ABCD3: variants seen among roughly 807,000 people sequenced by gnomAD.
The protein encoded by ABCD3 is ATP binding cassette subfamily D member 3, also known as ATP-binding cassette sub-family D member 3.
In ABCD3, 41 loss-of-function variants were observed where a neutral mutation model predicts 105.5. The observed-to-expected ratio is 0.39, with a 90% CI of 0.30 to 0.50. ABCD3 has a LOEUF of 0.50. Ranked by LOEUF, ABCD3 falls within the 20% of genes least tolerant of loss-of-function variation. The pLI is 0.84. For missense variants in ABCD3, 622 were observed against 806.3 expected (o/e 0.77, Z 2.77); for synonymous variants, 258 against 269.0 (o/e 0.96, Z 0.40).
At chr1:94,395,587 A>T in the ABCD3 span, among the ~76,000 whole-genome samples, 1 of 152,112 alleles carries the variant, frequency 6.6e-6, no homozygotes, top group Non-Finnish European at 1.5e-5. Flanking sequence ...AGTGCTTCCC[A>T]TTGGCCAAAT....
intron 21 of ABCD3, among the ~76,000 whole-genome samples, chr1:94,512,152 A>G (rs1487323729): frequency 6.6e-6 from 1 of 151,928 alleles, no homozygotes; most frequent in East Asian, 1.9e-4. Context: ...GGTGACCGTG[A>G]TGTACAGATG....
At chr1:94,483,355 A>G (rs1444813858) in intron 10 of ABCD3, 116 bp downstream of exon 10, 1 of 740,726 alleles carries the variant, frequency 1.4e-6, no homozygotes, top group Admixed American at 2.5e-5. Flanking sequence ...ATGTATACAT[A>G]TCTTAAAGAT....
chr1:94,498,545 A>C, intron 16 of ABCD3, 57 bp from the exon 17 acceptor site: 2 of 1,542,862 alleles, frequency 1.3e-6, no homozygotes, highest in Non-Finnish European at 1.8e-6. Context: ...AATGTTGATT[A>C]AGTATATGTT....
intron 20 of ABCD3, among the ~76,000 whole-genome samples, chr1:94,501,276 A>AC (rs913770806): frequency 2.0e-5 from 3 of 151,718 alleles, no homozygotes; most frequent in African/African-American, 7.3e-5. Flanking sequence ...AAAAAAAAAA[A>AC]AAAAAAAACA....
At chr1:94,450,130 A>C (rs1660521153) in intron 1 of ABCD3, among the ~76,000 whole-genome samples, 2 of 152,236 alleles carry the variant, frequency 1.3e-5, no homozygotes, top group African/African-American at 4.8e-5. Flanking sequence ...TAACCCATTA[A>C]AATGGATTAA....
intron 1 of ABCD3, among the ~76,000 whole-genome samples, chr1:94,436,469 TCTTC>T (rs1191386059): frequency 1.3e-5 from 2 of 152,242 alleles, no homozygotes; most frequent in South Asian, 2.1e-4. Flanking sequence ...CTCTTTCCAT[TCTTC>T]CTTATTTTTT....
intron 21 of ABCD3, among the ~76,000 whole-genome samples, chr1:94,509,164 A>G (rs1245959362): frequency 6.6e-6 from 1 of 152,214 alleles, no homozygotes; most frequent in African/African-American, 2.4e-5. Context: ...GGTCCCATCA[A>G]TACCTAATTT....
the ABCD3 span, among the ~76,000 whole-genome samples, chr1:94,404,960 A>C: frequency 1.3e-5 from 2 of 151,726 alleles, no homozygotes; most frequent in South Asian, 2.1e-4. Context: ...AAGAAAAAAA[A>C]AAACAAACAG....
chr1:94,458,481 C>G (rs1647699213), intron 1 of ABCD3, 126 bp from the exon 2 acceptor site: 1 of 820,920 alleles, frequency 1.2e-6, no homozygotes, highest in Non-Finnish European at 2.0e-6. Context: ...TATGTTCTAT[C>G]TCACTATGAT....
At chr1:94,434,159 G>A (rs566373318) in intron 1 of ABCD3, among the ~76,000 whole-genome samples, 2 of 151,970 alleles carry the variant, frequency 1.3e-5, no homozygotes, top group Non-Finnish European at 2.9e-5. Context: ...GTACACTTAG[G>A]CTACATGAAA....
the ABCD3 span, among the ~76,000 whole-genome samples, chr1:94,398,530 C>T: frequency 6.6e-6 from 1 of 152,164 alleles, no homozygotes; most frequent in South Asian, 2.1e-4. Context: ...AGCTCCACCC[C>T]CACCCCCTGC....
chr1:94,444,138 C>T (rs991899858), intron 1 of ABCD3, among the ~76,000 whole-genome samples: 1 of 151,908 alleles, frequency 6.6e-6, no homozygotes, highest in Non-Finnish European at 1.5e-5. Flanking sequence ...TCAAGACCAT[C>T]CTGGCCAACA....
chr1:94,499,766 A>C (rs1327732049), intron 20 of ABCD3, 152 bp downstream of exon 20: 1 of 995,850 alleles, frequency 1.0e-6, no homozygotes, highest in African/African-American at 1.6e-5. Context: ...GAAAATCTTT[A>C]ACTTGCATGT....
intron 21 of ABCD3, among the ~76,000 whole-genome samples, chr1:94,512,906 A>G (rs1299776366): frequency 6.6e-6 from 1 of 152,118 alleles, no homozygotes. Context: ...AAAAAAGGTC[A>G]TATTGAGTAT....
At chr1:94,450,516 C>G (rs1036613845) in intron 1 of ABCD3, among the ~76,000 whole-genome samples, 1 of 152,256 alleles carries the variant, frequency 6.6e-6, no homozygotes, top group African/African-American at 2.4e-5. Flanking sequence ...CATGAGCGAT[C>G]TGTGCCTTAA....
At chr1:94,472,795 T>G (rs1215000142) in intron 4 of ABCD3, among the ~76,000 whole-genome samples, 1 of 152,186 alleles carries the variant, frequency 6.6e-6, no homozygotes, top group Non-Finnish European at 1.5e-5. Context: ...TTTAAACCAC[T>G]TAGTCCAGTG....
intron 1 of ABCD3, among the ~76,000 whole-genome samples, chr1:94,421,635 T>C (rs1172833407): frequency 2.6e-5 from 4 of 151,900 alleles, no homozygotes. Context: ...GCTTACCTTC[T>C]TGTTAGGGAA....
chr1:94,459,068 A>C (rs900941138), intron 2 of ABCD3, among the ~76,000 whole-genome samples: 1 of 148,766 alleles, frequency 6.7e-6, no homozygotes, highest in East Asian at 2.0e-4. Flanking sequence ...CTTTTTACCA[A>C]CCAGGTCTCA....
chr1:94,469,428 C>T (rs978563757), intron 4 of ABCD3, among the ~76,000 whole-genome samples: 18 of 149,560 alleles, frequency 1.2e-4, no homozygotes, highest in Middle Eastern at 7.1e-3. Flanking sequence ...TTGGTAGTTG[C>T]GTTTCCATAC....
Sources: allele counts gnomAD v4.1 joint callset (sites outside exome capture counted in the v4.1 genomes callset), GRCh38; gene constraint gnomAD v4.1.1; transcripts MANE v1.5; gene names NCBI Gene and HGNC (gene_info 2026-07-23, HGNC 2026-07-21).